Variants in CCDC60 observed in about 807,000 individuals in gnomAD.
CCDC60 encodes coiled-coil domain containing 60, also known as coiled-coil domain-containing protein 60.
Under a neutral mutation model 63.5 loss-of-function variants are expected in CCDC60, and 54 were observed. The observed-to-expected ratio is 0.85, with a 90% confidence interval of 0.68 to 1.07. The LOEUF is 1.07. Among genes scored for constraint, CCDC60 ranks in the 50% least tolerant of loss-of-function variants. The pLI, the probability that CCDC60 is intolerant of heterozygous loss-of-function variation, is 0.00. For synonymous variants in CCDC60, 206 were observed against 238.8 expected, an observed-to-expected ratio of 0.86 and a Z score of 1.27; for missense variants, 651 against 684.3, an observed-to-expected ratio of 0.95 and a Z score of 0.54.
intron 2 of CCDC60, among the ~76,000 whole-genome samples, chr12:119,468,689 A>ATT (rs35047751): frequency 0.89 from 135,395 of 152,052 alleles, 60,682 homozygotes; most frequent in East Asian, 1. Flanking sequence ...AATGAAAAGA[A>ATT]TTTTATTTAA....
intron 1 of CCDC60, among the ~76,000 whole-genome samples, chr12:119,383,738 GT>G (rs904820646): frequency 1.3e-5 from 2 of 152,148 alleles, no homozygotes; most frequent in African/African-American, 4.8e-5. Flanking sequence ...GAATGAACCT[GT>G]TTCTTTCTGC....
chr12:119,441,244 T>C (rs1384310007), intron 2 of CCDC60, among the ~76,000 whole-genome samples: 1 of 152,194 alleles, frequency 6.6e-6, no homozygotes, highest in Non-Finnish European at 1.5e-5. Context: ...GGGATTTCCA[T>C]ATTTATTTAA....
chr12:119,525,871 C>G (rs1382043343), intron 11 of CCDC60, among the ~76,000 whole-genome samples: 1 of 152,034 alleles, frequency 6.6e-6, no homozygotes, highest in East Asian at 1.9e-4. Flanking sequence ...ATATTCCTAT[C>G]AAACTACCAA....
At chr12:119,452,313 T>G (rs1950647771) in intron 2 of CCDC60, among the ~76,000 whole-genome samples, 1 of 152,222 alleles carries the variant, frequency 6.6e-6, no homozygotes, top group African/African-American at 2.4e-5. Context: ...AATTGTACTT[T>G]CTCTTTGCAT....
chr12:119,540,802 A>G lies in CCDC60; in HGVS notation c.*87A>G. On this transcript the variant is annotated 3_prime_UTR_variant, in exon 14 of 14. Transcript: ENST00000327554. The stretch of plus-strand genomic sequence containing the variant: ...ATCCTGCCTGTGTTCCTGCCTCCTG[A>G]CTACCCTCATGGATGCTCTTTATGG... 2 of 908,548 alleles carry G rather than the reference A, an allele frequency of 2.2e-6. No homozygotes were observed. The highest frequency in any genetic ancestry group is 3.5e-6 in the Non-Finnish European group (2 of 567,760). The allele number at this position is 908,548 out of a possible 1,614,324, so 56.3% of individuals were successfully genotyped here.
At chr12:119,461,751 G>A (rs1950860435) in intron 2 of CCDC60, among the ~76,000 whole-genome samples, 1 of 152,146 alleles carries the variant, frequency 6.6e-6, no homozygotes, top group African/African-American at 2.4e-5. Context: ...GCAGTGAGCA[G>A]GAGGCCCCAG....
chr12:119,337,981 TC>T (rs1412695226), intron 1 of CCDC60, among the ~76,000 whole-genome samples: 6 of 152,028 alleles, frequency 3.9e-5, no homozygotes, highest in Non-Finnish European at 7.4e-5. Context: ...GATGAAATGA[TC>T]ATCTCTTTCT....
Position 119,505,082 on chromosome 12 carries a change from A to G in CCDC60, c.662A>G (p.Lys221Arg). 4 of 1,600,934 alleles carry G rather than the reference A, an allele frequency of 2.5e-6. No homozygotes were observed. The highest frequency in any genetic ancestry group is 4.5e-5 in the East Asian group (2 of 44,502). The change falls in exon 7 of 14, where the codon AAA becomes AGA. Residue 221 changes from lysine to arginine, a missense_variant. By Grantham distance (26) the Lys-to-Arg change is conservative. Transcript: ENST00000327554. ...FITAPKTKKF[K>R]IPTMRVTNRK... ...TCTTTCCTTTAGACCAAGAAATTCA[A>G]AATTCCCACAATGCGAGTCACCAAC...
intron 13 of CCDC60, among the ~76,000 whole-genome samples, chr12:119,533,813 T>G (rs1845802086): frequency 6.6e-6 from 1 of 152,228 alleles, no homozygotes; most frequent in African/African-American, 2.4e-5. Flanking sequence ...GCAGTTTTGG[T>G]TACTGTAGCC....
chr12:119,348,749 G>T (rs1955623098), intron 1 of CCDC60, among the ~76,000 whole-genome samples: 2 of 152,122 alleles, frequency 1.3e-5, no homozygotes, highest in Admixed American at 1.3e-4. Flanking sequence ...GTAATGCCAG[G>T]CTCTTTTGTC....
chr12:119,507,427 C>T (rs1204008829), intron 7 of CCDC60, among the ~76,000 whole-genome samples: 1 of 146,332 alleles, frequency 6.8e-6, no homozygotes, highest in Non-Finnish European at 1.5e-5. Context: ...TATATATATA[C>T]GTGTATATAT....
At chr12:119,500,690 C>CA (rs1566045291) in intron 6 of CCDC60, among the ~76,000 whole-genome samples, 1 of 152,022 alleles carries the variant, frequency 6.6e-6, no homozygotes, top group Non-Finnish European at 1.5e-5. Flanking sequence ...CCCGTCTTCA[C>CA]AAAAAATTTA....
chr12:119,395,014 A>T (rs1956225564), intron 1 of CCDC60, among the ~76,000 whole-genome samples: 1 of 152,200 alleles, frequency 6.6e-6, no homozygotes, highest in African/African-American at 2.4e-5. Flanking sequence ...TTGGGTCTTG[A>T]AGGATGAGTA....
At chr12:119,368,047 T>C (rs1486089953) in intron 1 of CCDC60, among the ~76,000 whole-genome samples, 2 of 143,908 alleles carry the variant, frequency 1.4e-5, no homozygotes, top group Non-Finnish European at 3.0e-5. Flanking sequence ...AATAAATCTG[T>C]TTTTCTGAAG....
In CCDC60 at chr12:119,464,310, C is replaced by A. The variant is rs1479380546; in HGVS notation, c.171-7684C>A. ...TGGGTTGCAAGAGCAACCCCCCCCC[C>A]ACTCTTCCTTACTTCCTCTTTCCTT... On this transcript the variant is annotated intron_variant, in intron 2 of 13. Coordinates refer to ENST00000327554, the MANE Select transcript of CCDC60 (RefSeq NM_178499.5). Among the ~76,000 whole-genome samples, 5 of 124,592 alleles carry A rather than the reference C, an allele frequency of 4.0e-5. 1 individual carries two copies. The highest frequency in any genetic ancestry group is 4.8e-4 in the East Asian group (2 of 4,124). 81.7% of individuals were successfully genotyped at this position (124,592 alleles called of 152,430 possible).
At chr12:119,360,468 G>C (rs557339613) in intron 1 of CCDC60, among the ~76,000 whole-genome samples, 21 of 151,034 alleles carry the variant, frequency 1.4e-4, no homozygotes, top group Non-Finnish European at 2.8e-4. Context: ...GGTGGCTGCC[G>C]GGCGGAGAGG....
intron 2 of CCDC60, among the ~76,000 whole-genome samples, chr12:119,453,088 A>G (rs61938110): frequency 0.22 from 33,607 of 152,018 alleles, 3,705 homozygotes; most frequent in Admixed American, 0.28. Flanking sequence ...CAGCCTCCCA[A>G]AGTTTTGGGA....
chr12:119,428,332 T>TTA (rs1956935891), intron 1 of CCDC60, among the ~76,000 whole-genome samples: 9 of 152,314 alleles, frequency 5.9e-5, no homozygotes, highest in Middle Eastern at 3.4e-3. Flanking sequence ...CAGTGAGGAA[T>TTA]TTAGCAATTA....
At chr12:119,478,360 AC>A (rs11320620) in intron 3 of CCDC60, among the ~76,000 whole-genome samples, 96,456 of 148,382 alleles carry the variant, frequency 0.65, 31,188 homozygotes, top group East Asian at 0.85. Context: ...GACAACAACC[AC>A]CCCCCCCCAA....
Sources: gnomAD v4.1 joint callset for allele counts (sites outside exome capture counted in the v4.1 genomes callset) on GRCh38, gnomAD v4.1.1 for gene constraint, MANE v1.5 for transcripts, NCBI Gene and HGNC (gene_info 2026-07-23, HGNC 2026-07-21) for gene names.